Variants in ARHGAP42 observed in about 807,000 individuals in gnomAD.
The protein encoded by ARHGAP42 is Rho GTPase activating protein 42, also known as rho GTPase-activating protein 42.
In ARHGAP42, 63 loss-of-function variants were observed where a neutral mutation model predicts 125.0. The ratio of observed to expected loss-of-function variants is 0.50; its 90% CI spans 0.41 to 0.62. The LOEUF is 0.62. Ranked by LOEUF, ARHGAP42 falls within the 20% of genes least tolerant of loss-of-function variation. The probability of loss-of-function intolerance (pLI) is 0.00; values close to 1 mark genes in which losing one functional copy is unlikely to be tolerated. For synonymous variants in ARHGAP42, 339 were observed against 351.0 expected (o/e 0.97, Z 0.38); for missense variants, 766 against 1,024.2 (o/e 0.75, Z 3.44).
intron 1 of ARHGAP42, among the ~76,000 whole-genome samples, chr11:100,731,687 C>G (rs907638167): frequency 6.6e-6 from 1 of 152,114 alleles, no homozygotes; most frequent in East Asian, 1.9e-4. Context: ...ACTGGGTAAG[C>G]TATTGTTTAG....
intron 4 of ARHGAP42, among the ~76,000 whole-genome samples, chr11:100,875,089 C>CTT (rs1267865752): frequency 2.1e-5 from 2 of 93,218 alleles, no homozygotes; most frequent in Non-Finnish European, 2.3e-5. Flanking sequence ...CTCTCTCTCT[C>CTT]TCTCTCTCTC....
chr11:100,980,773 G>T (rs1858524025), intron 22 of ARHGAP42, among the ~76,000 whole-genome samples: 1 of 136,118 alleles, frequency 7.3e-6, no homozygotes, highest in African/African-American at 2.5e-5. Flanking sequence ...GTTTCACCAG[G>T]TTGGCCAGGC....
At chr11:100,880,215 C>T (rs1865924724) in intron 4 of ARHGAP42, among the ~76,000 whole-genome samples, 1 of 152,154 alleles carries the variant, frequency 6.6e-6, no homozygotes, top group Admixed American at 6.5e-5. Flanking sequence ...AAGCAGTATA[C>T]ACTGTATCCA....
At chr11:100,718,955 TG>T (rs772696839) in intron 1 of ARHGAP42, among the ~76,000 whole-genome samples, 2 of 152,224 alleles carry the variant, frequency 1.3e-5, no homozygotes, top group Non-Finnish European at 2.9e-5. Flanking sequence ...GTATTTGTGA[TG>T]GAGAAAGGAA....
chr11:100,949,458 A>G (rs479135), intron 11 of ARHGAP42, among the ~76,000 whole-genome samples: 126,646 of 152,112 alleles, frequency 0.83, 52,807 homozygotes, highest in African/African-American at 0.87. Flanking sequence ...AAGAAAATTC[A>G]CTCTTTACCA....
At chr11:100,801,179 A>G (rs1005811781) in intron 3 of ARHGAP42, among the ~76,000 whole-genome samples, 2 of 152,130 alleles carry the variant, frequency 1.3e-5, no homozygotes, top group Admixed American at 1.3e-4. Context: ...ACCTGTATGT[A>G]TAGATGGTGA....
chr11:100,736,369 A>G (rs1433933881), intron 1 of ARHGAP42, among the ~76,000 whole-genome samples: 1 of 152,224 alleles, frequency 6.6e-6, no homozygotes, highest in Admixed American at 6.5e-5. Flanking sequence ...GGTGAGACAG[A>G]GAACTTGGTG....
intron 1 of ARHGAP42, among the ~76,000 whole-genome samples, chr11:100,745,155 G>C (rs532676846): frequency 7.4e-4 from 113 of 152,308 alleles, no homozygotes; most frequent in African/African-American, 2.6e-3. Flanking sequence ...GAAGGTAATT[G>C]AAAAAGGTTG....
At chr11:100,902,872 C>A (rs1866589766) in intron 4 of ARHGAP42, among the ~76,000 whole-genome samples, 1 of 152,112 alleles carries the variant, frequency 6.6e-6, no homozygotes, top group Admixed American at 6.5e-5. Flanking sequence ...GTTCTTGTTC[C>A]ATGGGGTGAA....
rs748948171 is a variant in ARHGAP42, at chr11:100,688,090, T to A, written c.154+258T>A. On this transcript the variant is annotated intron_variant, in intron 1 of 23. Coordinates refer to ENST00000298815, the MANE Select transcript of ARHGAP42 (RefSeq NM_152432.4). ...CTGAGGAAAGTCGTTCAAAGTCATC[T>A]CGTTGTGTAATGCTCCTAGGAAGAT... The A allele has an allele frequency of 3.0e-5, 9 of 298,952 alleles. No homozygotes were observed. The Admixed American group carries it at 4.1e-4, about 13-fold the overall frequency. 18.5% of individuals were successfully genotyped at this position (298,952 alleles called of 1,614,324 possible). A position where few individuals can be genotyped will look rare whatever the true frequency, so the allele number is the denominator to read the frequency against.
At chr11:100,852,549 C>T (rs918440442) in intron 3 of ARHGAP42, among the ~76,000 whole-genome samples, 9 of 152,124 alleles carry the variant, frequency 5.9e-5, no homozygotes, top group Non-Finnish European at 2.9e-5. Context: ...TATCACTTTG[C>T]TGAAGCTCCC....
At chr11:100,908,108 T>A (rs36045870) in intron 4 of ARHGAP42, among the ~76,000 whole-genome samples, 4,219 of 152,340 alleles carry the variant, frequency 0.028, 105 homozygotes, top group Non-Finnish European at 0.043. Context: ...CACTTATTTT[T>A]AAAAACTTCT....
At chr11:100,917,598 G>A (rs1867108889) in intron 5 of ARHGAP42, among the ~76,000 whole-genome samples, 1 of 152,108 alleles carries the variant, frequency 6.6e-6, no homozygotes, top group South Asian at 2.1e-4. Flanking sequence ...TTGAGACCAA[G>A]TCTCACTCTG....
chr11:100,842,439 AT>A lies in ARHGAP42; in HGVS notation c.313-17113del, dbSNP rs1157193053. ...CATCCATGACACTGAAAGTCCCAAT[AT>A]TGGATTATTATTCTGTCTTACATTT... On this transcript the variant is annotated intron_variant, in intron 3 of 23. Transcript: ENST00000298815. Among the ~76,000 whole-genome samples, 3 of 152,276 alleles carry A rather than the reference AT, an allele frequency of 2.0e-5. No individual in the cohort carries two copies. The East Asian group carries it at 5.8e-4, about 29-fold the overall frequency.
At chr11:100,889,467 A>T (rs2135189310) in intron 4 of ARHGAP42, among the ~76,000 whole-genome samples, 1 of 152,236 alleles carries the variant, frequency 6.6e-6, no homozygotes, top group East Asian at 1.9e-4. Context: ...AGGATACCAA[A>T]CCTCCTACTG....
intron 1 of ARHGAP42, among the ~76,000 whole-genome samples, chr11:100,751,234 G>A (rs566457636): frequency 3.3e-4 from 23 of 70,298 alleles, no homozygotes; most frequent in African/African-American, 1.3e-3. Context: ...CCATGTGCCT[G>A]GCTGATGTAT....
intron 19 of ARHGAP42, among the ~76,000 whole-genome samples, chr11:100,975,774 G>A (rs12418344): frequency 0.039 from 5,912 of 152,232 alleles, 166 homozygotes; most frequent in East Asian, 0.11. Context: ...ACCCACTTAT[G>A]CTTCAAGAAG....
chr11:100,777,821 T>C (rs568408581), intron 2 of ARHGAP42, among the ~76,000 whole-genome samples: 1 of 152,336 alleles, frequency 6.6e-6, no homozygotes, highest in East Asian at 1.9e-4. Context: ...TCTTCAGAAT[T>C]TGGTCATGAG....
intron 4 of ARHGAP42, among the ~76,000 whole-genome samples, chr11:100,889,218 A>G (rs777196594): frequency 2.6e-5 from 4 of 152,204 alleles, no homozygotes; most frequent in African/African-American, 4.8e-5. Context: ...AAAGAGTGCT[A>G]TGGTCTGAAT....
Sources: allele counts gnomAD v4.1 joint callset (sites outside exome capture counted in the v4.1 genomes callset), GRCh38; gene constraint gnomAD v4.1.1; transcripts MANE v1.5; gene names NCBI Gene and HGNC (gene_info 2026-07-23, HGNC 2026-07-21).